Variants in ARID4A observed in about 807,000 individuals in gnomAD.
The protein encoded by ARID4A is AT-rich interactive domain-containing protein 4A.
In ARID4A, 39 loss-of-function variants were observed where a neutral mutation model predicts 148.6. The observed-to-expected ratio is 0.26, with a 90% confidence interval of 0.20 to 0.34. The LOEUF (loss-of-function observed/expected upper bound fraction) is 0.34. Ranked by LOEUF, ARID4A falls within the 10% of genes least tolerant of loss-of-function variation. The probability of loss-of-function intolerance (pLI) is 1.00; values close to 1 mark genes in which losing one functional copy is unlikely to be tolerated. For missense variants in ARID4A, 1,265 were observed against 1,449.1 expected (o/e 0.87, Z 2.06); for synonymous variants, 475 against 481.2 (o/e 0.99, Z 0.17).
intron 8 of ARID4A, among the ~76,000 whole-genome samples, chr14:58,325,629 T>C (rs1435142128): frequency 6.6e-6 from 1 of 152,148 alleles, no homozygotes; most frequent in African/African-American, 2.4e-5. Context: ...GTATCACTTA[T>C]CTCTAATAAT....
intron 3 of ARID4A, among the ~76,000 whole-genome samples, chr14:58,302,193 A>G (rs1405072769): frequency 2.6e-5 from 4 of 152,062 alleles, no homozygotes; most frequent in Admixed American, 6.5e-5. Flanking sequence ...CCCTGTCTCT[A>G]CTAAAATTGC....
At chr14:58,370,905 C>T (rs1482530187) in intron 23 of ARID4A, among the ~76,000 whole-genome samples, 1 of 152,130 alleles carries the variant, frequency 6.6e-6, no homozygotes, top group Non-Finnish European at 1.5e-5. Context: ...GCCAACATGC[C>T]CAGCTTATTA....
chr14:58,348,833 AT>A (rs200071443), intron 15 of ARID4A, among the ~76,000 whole-genome samples: 2 of 151,836 alleles, frequency 1.3e-5, no homozygotes, highest in African/African-American at 2.4e-5. Context: ...TTTTTTTTTA[AT>A]TTTTTTTAAA....
At chr14:58,368,301 G>A (rs1396262784) in intron 23 of ARID4A, among the ~76,000 whole-genome samples, 1 of 152,172 alleles carries the variant, frequency 6.6e-6, no homozygotes, top group Non-Finnish European at 1.5e-5. Context: ...TTCCTGGGAG[G>A]AGATTGGAAG....
chr14:58,323,465 C>A lies in ARID4A; in HGVS notation c.450-20C>A. 1.3e-6 allele frequency: 2 copies of A among 1,595,960 alleles called. No individual in the cohort carries two copies. Among genetic ancestry groups the A allele is most frequent in the Non-Finnish European group, 1.7e-6 (2 of 1,163,832 alleles). ...TAATTGTTTGTGTTAGGATAATGAT[C>A]AAGTTATTCTAACTTTTAGTACTGA... On this transcript the variant is annotated intron_variant, in intron 7 of 23. Coordinates refer to ENST00000355431, the MANE Select transcript of ARID4A (RefSeq NM_002892.4).
intron 11 of ARID4A, 97 bp downstream of exon 11, chr14:58,330,266 A>G (rs2033448454): frequency 1.4e-6 from 2 of 1,476,780 alleles, no homozygotes; most frequent in Non-Finnish European, 1.8e-6. Context: ...ATTCTCTATT[A>G]TTTGTTTCTG....
intron 8 of ARID4A, among the ~76,000 whole-genome samples, chr14:58,324,194 C>T (rs1326756524): frequency 3.3e-5 from 5 of 152,122 alleles, no homozygotes; most frequent in Admixed American, 1.3e-4. Context: ...TGAGCCACCG[C>T]GCCTGGCCTT....
In ARID4A at chr14:58,365,276, C is replaced by T; in HGVS notation, c.3187C>T (p.Gln1063Ter). 1 of 1,613,072 alleles carries T rather than the reference C, an allele frequency of 6.2e-7. No homozygotes were observed. Among genetic ancestry groups the T allele is most frequent in the Non-Finnish European group, 8.5e-7 (1 of 1,179,528 alleles). Residue 1063 changes from glutamine (Q) to a stop codon, truncating the protein, a stop_gained, in exon 20 of 24, where the codon CAA becomes TAA. Coordinates refer to ENST00000355431, the MANE Select transcript of ARID4A (RefSeq NM_002892.4). LOFTEE classifies it high-confidence loss of function. ...CTCTGGTACCTGTAGTATAATTGTACAAGAGAGAGAGAGCAGAGAGAAGGG... is the reference window on the plus strand; with the variant it reads ...CTCTGGTACCTGTAGTATAATTGTATAAGAGAGAGAGAGCAGAGAGAAGGG... ...VASGTCSIIVQERESREKGQK... is the reference protein window; with the variant it reads ...VASGTCSIIV
At chr14:58,353,565 A>G in intron 16 of ARID4A, 93 bp from the exon 17 acceptor site, 1 of 1,072,302 alleles carries the variant, frequency 9.3e-7, no homozygotes, top group South Asian at 1.5e-5. Flanking sequence ...GGTAATACTT[A>G]GGTTGTGAAT....
At chr14:58,360,213 C>CTGTG (rs1286976314) in intron 18 of ARID4A, among the ~76,000 whole-genome samples, 1 of 152,110 alleles carries the variant, frequency 6.6e-6, no homozygotes, top group Non-Finnish European at 1.5e-5. Flanking sequence ...ACTCAAATTC[C>CTGTG]TGTAGAGGCT....
At position 58,313,506 on chromosome 14, in the gene ARID4A, C is replaced by T. The variant is rs553836974; in HGVS notation, c.275-5036C>T. 1.5e-4 allele frequency among the ~76,000 whole-genome samples: 23 copies of T among 152,204 alleles called. No homozygotes were observed. In the East Asian group the frequency reaches 1.9e-3, roughly 13 times the overall value. On this transcript the variant is annotated intron_variant, in intron 5 of 23. Coordinates refer to ENST00000355431, the MANE Select transcript of ARID4A (RefSeq NM_002892.4). The stretch of plus-strand genomic sequence containing the variant: ...GCTTGCCCACCGCTAACCTGCTGTC[C>T]GGTCCGGTTACCAACAGGCCATGGA...
rs2035257036 is a variant in ARID4A at position 58,364,288 on chromosome 14, T to C, written c.2199T>C (p.Asp733=). The change falls in exon 20 of 24, where the codon GAT becomes GAC. Residue 733 remains aspartate, a synonymous_variant. Transcript: ENST00000355431. ...AAAATTTGAATGATGATAAGCTAGA[T>C]GAAGAAAATCCAAAGATTTCTGCAC... ...KNENLNDDKL[D]EENPKISAHI... is the part of the protein sequence containing the mutation. 1.3e-6 allele frequency: 2 copies of C among 1,561,624 alleles called. No individual in the cohort carries two copies. Among genetic ancestry groups the C allele is most frequent in the East Asian group, 2.3e-5 (1 of 43,774 alleles).
intron 15 of ARID4A, 115 bp from the exon 16 acceptor site, chr14:58,350,958 G>T: frequency 1.9e-6 from 2 of 1,051,910 alleles, no homozygotes; most frequent in Non-Finnish European, 2.6e-6. Flanking sequence ...TTGGTTTTCA[G>T]GGCCACGTTT....
Position 58,366,132 on chromosome 14 carries a change from C to G in ARID4A, c.3425C>G (p.Ala1142Gly). ...SKPQKLARSP[A>G]RISPHIKDGE... ...CCACAGAAACTTGCACGATCTCCTG[C>G]AAGAATATCCCCGCACATCAAAGAT... The change falls in exon 22 of 24, where the codon GCA (alanine) becomes GGA (glycine). Residue 1142 changes from alanine (A) to glycine (G), a missense_variant. Ala to Gly is a moderately conservative substitution (Grantham distance 60). This residue lies in a region of ARID4A where 666 missense variants were observed against 730.9 expected (regional missense o/e 0.91). Transcript: ENST00000355431. 1 of 1,613,808 alleles carries G rather than the reference C, an allele frequency of 6.2e-7. No individual in the cohort carries two copies. The highest frequency in any genetic ancestry group is 8.5e-7 in the Non-Finnish European group (1 of 1,179,776).
chr14:58,300,049 C>G (rs576098139), intron 2 of ARID4A, among the ~76,000 whole-genome samples, 189 bp downstream of exon 2: 2 of 152,324 alleles, frequency 1.3e-5, no homozygotes, highest in South Asian at 4.1e-4. Flanking sequence ...TTTAGGCCCT[C>G]TCTGTAGCAG....
In ARID4A at chr14:58,364,720, G is replaced by T. The variant is rs1463303012; in HGVS notation, c.2631G>T (p.Met877Ile). The change falls in exon 20 of 24, where the codon ATG becomes ATT. Residue 877 changes from methionine (M) to isoleucine (I), a missense_variant. Transcript: ENST00000355431. ...TAAGAATTGAGAATGGAATGGAAAT[G>T]ACAAATACTGTATCTCAAGAAAGGA... Reference protein sequence around the residue: ...KKIRIENGMEMTNTVSQERTS... With the variant: ...KKIRIENGMEITNTVSQERTS... The T allele has an allele frequency of 4.3e-6, 7 of 1,613,746 alleles. No homozygotes were observed. Among genetic ancestry groups the T allele is most frequent in the Non-Finnish European group, 5.9e-6 (7 of 1,179,938 alleles).
chr14:58,312,104 A>C (rs2032083377), intron 5 of ARID4A, among the ~76,000 whole-genome samples: 3 of 152,230 alleles, frequency 2.0e-5, no homozygotes, highest in Admixed American at 6.5e-5. Context: ...ACCACACACA[A>C]AAAAATAAGC....
chr14:58,304,341 G>A (rs1345715698), intron 3 of ARID4A, among the ~76,000 whole-genome samples: 1 of 152,106 alleles, frequency 6.6e-6, no homozygotes, highest in Admixed American at 6.6e-5. Context: ...TACAATGATT[G>A]TTTTAGGAGG....
intron 18 of ARID4A, among the ~76,000 whole-genome samples, chr14:58,359,826 G>C (rs1478263065): frequency 6.6e-6 from 1 of 152,118 alleles, no homozygotes; most frequent in African/African-American, 2.4e-5. Flanking sequence ...CAGCACTTTG[G>C]GAGGCTGAGG....
Sources: allele counts gnomAD v4.1 joint callset (sites outside exome capture counted in the v4.1 genomes callset), GRCh38; gene constraint gnomAD v4.1.1; regional missense constraint gnomAD v4.1.1; transcripts MANE v1.5; gene names NCBI Gene and HGNC (gene_info 2026-07-23, HGNC 2026-07-21).